ZNF532: variants seen among roughly 807,000 people sequenced by gnomAD.
ZNF532 encodes the protein zinc finger protein 532.
In ZNF532, 22 loss-of-function variants were observed where a neutral mutation model predicts 89.3. The ratio of observed to expected loss-of-function variants is 0.25; its 90% CI spans 0.18 to 0.35. ZNF532 has a LOEUF of 0.35. ZNF532 is among the 10% of genes least tolerant of loss of function. ZNF532 has a pLI of 1.00. For missense variants in ZNF532, 1,132 were observed against 1,643.4 expected, an observed-to-expected ratio of 0.69 and a Z score of 5.38; for synonymous variants, 606 against 649.6, an observed-to-expected ratio of 0.93 and a Z score of 1.02.
chr18:58,906,669 C>T (rs1344653629), intron 2 of ZNF532, among the ~76,000 whole-genome samples: 1 of 152,186 alleles, frequency 6.6e-6, no homozygotes, highest in Non-Finnish European at 1.5e-5. Flanking sequence ...TCACTTTCTT[C>T]TTTTTCCTAT....
chr18:58,871,952 C>T (rs942791798), intron 2 of ZNF532, among the ~76,000 whole-genome samples: 5 of 152,112 alleles, frequency 3.3e-5, no homozygotes, highest in South Asian at 2.1e-4. Context: ...AAAGTGGTGC[C>T]GAGAAGAATC....
intron 2 of ZNF532, among the ~76,000 whole-genome samples, chr18:58,897,987 A>G (rs535514743): frequency 9.4e-4 from 143 of 152,324 alleles, no homozygotes; most frequent in Non-Finnish European, 1.1e-3. Flanking sequence ...AAATAAATGA[A>G]TAAAGATTAT....
rs1198596564 is a variant in ZNF532 at position 58,881,369 on chromosome 18, C to G, written c.-18+15790C>G. ...CAGGCTGGTCTTGAACTCCTGACCT[C>G]AGCTGATCCTGCCTCGGCCTCCCAA... On this transcript the variant is annotated intron_variant, in intron 2 of 9. Transcript: ENST00000591808. Among the ~76,000 whole-genome samples the G allele has an allele frequency of 2.0e-5, 3 of 152,126 alleles. No homozygotes were observed. The East Asian group carries it at 5.8e-4, about 29-fold the overall frequency.
chr18:58,887,161 CACAGT>C (rs1056667764), intron 2 of ZNF532, among the ~76,000 whole-genome samples: 1 of 151,754 alleles, frequency 6.6e-6, no homozygotes, highest in African/African-American at 2.4e-5. Flanking sequence ...TATTCCGCAA[CACAGT>C]TGCGTAGGGG....
rs1387226323 is a variant in ZNF532, at chr18:58,919,950, A to G, written c.1663A>G (p.Ile555Val). Reference sequence around the variant, plus strand: ...ACCTCAGCAACAAATAAAGCAGGCAATAATCAATGCAGCAGCCTCGCAACC... The same window carrying G: ...ACCTCAGCAACAAATAAAGCAGGCAGTAATCAATGCAGCAGCCTCGCAACC... ...TKPQQQIKQA[I>V]INAAASQPPK... The change falls in exon 3 of 10, where the codon ATA (isoleucine) becomes GTA (valine). Residue 555 changes from isoleucine (I) to valine (V), a missense_variant. Physicochemically the swap from Ile to Val is conservative, Grantham distance 29. Transcript: ENST00000591808. The surrounding 1 kb of genome is among the most constrained non-coding windows in gnomAD (Gnocchi z 6.1). The G allele has an allele frequency of 1.2e-6, 2 of 1,613,826 alleles. No homozygotes were observed. Among genetic ancestry groups the G allele is most frequent in the East Asian group, 2.2e-5 (1 of 44,882 alleles).
rs759939169 is a variant in ZNF532, at chr18:58,919,435, A to G, written c.1148A>G (p.Glu383Gly). 6.2e-7 allele frequency: 1 copy of G among 1,614,168 alleles called. No individual in the cohort carries two copies. Among genetic ancestry groups the G allele is most frequent in the Admixed American group, 1.7e-5 (1 of 60,018 alleles). The change falls in exon 3 of 10, where the codon GAA becomes GGA. Residue 383 changes from glutamate to glycine, a missense_variant. This residue lies in a region of ZNF532 where 124 missense variants were observed against 191.6 expected (regional missense o/e 0.65). Transcript: ENST00000591808. This position sits in a 1 kb window ranked among gnomAD's most constrained non-coding sequence, Gnocchi z 6.1. ...AGAACAGTGACCAGGGTATTGCCAG[A>G]AGTGGATCTTGACTCTGGAAAGAAA... ...IKRTVTRVLP[E>G]VDLDSGKKPS... is the part of the protein sequence containing the mutation.
At chr18:58,942,137 C>T (rs939468295) in intron 5 of ZNF532, among the ~76,000 whole-genome samples, 1 of 151,772 alleles carries the variant, frequency 6.6e-6, no homozygotes, top group Non-Finnish European at 1.5e-5. Context: ...ATTCTCCTGC[C>T]TCAGCCTCCT....
intron 2 of ZNF532, among the ~76,000 whole-genome samples, chr18:58,913,010 G>T (rs1285434603): frequency 6.6e-6 from 1 of 152,210 alleles, no homozygotes; most frequent in African/African-American, 2.4e-5. Context: ...GACCTGCGTA[G>T]CTGAACCGAT....
chr18:58,885,044 A>G (rs1360252109), intron 2 of ZNF532, among the ~76,000 whole-genome samples: 1 of 146,442 alleles, frequency 6.8e-6, no homozygotes, highest in African/African-American at 2.6e-5. Context: ...GTTAGAGTTC[A>G]GTGGCATGAT....
At chr18:58,929,274 A>G (rs1361217686) in intron 3 of ZNF532, among the ~76,000 whole-genome samples, 1 of 152,082 alleles carries the variant, frequency 6.6e-6, no homozygotes, top group African/African-American at 2.4e-5. Context: ...GATAAAGGTG[A>G]CATTTGCAGT....
At chr18:58,889,821 A>T (rs1052315189) in intron 2 of ZNF532, among the ~76,000 whole-genome samples, 6 of 151,518 alleles carry the variant, frequency 4.0e-5, no homozygotes, top group Non-Finnish European at 7.4e-5. Context: ...GCGGTGGCTC[A>T]CGCCTGTAAT....
At chr18:58,888,730 ATATATATATATTT>A (rs2058519126) in intron 2 of ZNF532, among the ~76,000 whole-genome samples, 4 of 4,996 alleles carry the variant, frequency 8.0e-4, no homozygotes, top group African/African-American at 4.5e-3. Context: ...TATATAAATT[ATATATATATATTT>A]TATATATATA....
chr18:58,899,105 T>TA (rs2059434536), intron 2 of ZNF532, among the ~76,000 whole-genome samples: 1 of 152,218 alleles, frequency 6.6e-6, no homozygotes, highest in African/African-American at 2.4e-5. Flanking sequence ...CCTCTTAAAA[T>TA]AGAGTCCGGA....
At chr18:58,956,225 C>T (rs975994542) in intron 7 of ZNF532, among the ~76,000 whole-genome samples, 2 of 152,184 alleles carry the variant, frequency 1.3e-5, no homozygotes, top group Non-Finnish European at 2.9e-5. Context: ...TGTGTGCACG[C>T]ATGTGCCCTT....
chr18:58,891,916 C>T (rs1349509945), intron 2 of ZNF532, among the ~76,000 whole-genome samples: 2 of 152,160 alleles, frequency 1.3e-5, no homozygotes, highest in African/African-American at 2.4e-5. Context: ...TAGAACATTT[C>T]CTTCAGGCCA....
At chr18:58,891,373 T>TA in intron 2 of ZNF532, among the ~76,000 whole-genome samples, 1 of 152,234 alleles carries the variant, frequency 6.6e-6, no homozygotes, top group South Asian at 2.1e-4. Flanking sequence ...CTACTAAAAA[T>TA]ACAAAAATTA....
intron 7 of ZNF532, among the ~76,000 whole-genome samples, chr18:58,957,360 G>A (rs1156803365): frequency 1.1e-5 from 1 of 93,794 alleles, no homozygotes; most frequent in Non-Finnish European, 2.0e-5. Flanking sequence ...CTGAACCAGT[G>A]AACTTTGTAT....
At chr18:58,954,683 A>T (rs1362862272) in intron 7 of ZNF532, among the ~76,000 whole-genome samples, 1 of 148,956 alleles carries the variant, frequency 6.7e-6, no homozygotes, top group Non-Finnish European at 1.5e-5. Flanking sequence ...TAACTTGTTG[A>T]CACTAGGAAC....
Position 58,919,340 on chromosome 18 carries a change from C to T in ZNF532, c.1053C>T (p.Pro351=), listed in dbSNP as rs369908620. 17 of 1,614,072 alleles carry T rather than the reference C, an allele frequency of 1.1e-5. No homozygotes were observed. Among genetic ancestry groups the T allele is most frequent in the East Asian group, 4.5e-5 (2 of 44,890 alleles). ...GCAGCAAAGGATCCCCGTCCTCTCC[C>T]GCAGGGTCCACACCAGCAATCCCCA... ...ENSSKGSPSS[P]AGSTPAIPKV... is the part of the protein sequence containing the mutation. Residue 351 remains proline (P), a synonymous_variant, in exon 3 of 10, where the codon CCC becomes CCT. Transcript: ENST00000591808. This position sits in a 1 kb window ranked among gnomAD's most constrained non-coding sequence, Gnocchi z 6.1.
Sources: gnomAD v4.1 joint callset for allele counts (sites outside exome capture counted in the v4.1 genomes callset) on GRCh38, gnomAD v4.1.1 for gene constraint, gnomAD v4.1.1 regional missense constraint, Gnocchi (gnomAD v3.1) non-coding constraint, MANE v1.5 for transcripts, NCBI Gene and HGNC (gene_info 2026-07-23, HGNC 2026-07-21) for gene names.